Variants in CHTF18 observed in about 807,000 individuals in gnomAD.
The protein encoded by CHTF18 is chromosome transmission fidelity factor 18.
In CHTF18, 151 loss-of-function variants were observed where a neutral mutation model predicts 113.4. The ratio of observed to expected loss-of-function variants is 1.33; its 90% confidence interval spans 1.17 to 1.52. The LOEUF is 1.52. Ranked by LOEUF, CHTF18 falls within the 40% of genes most tolerant of loss-of-function variation. CHTF18 has a pLI of 0.00. For missense variants in CHTF18, 1,982 were observed against 1,381.6 expected, an observed-to-expected ratio of 1.43 and a Z score of -6.89; for synonymous variants, 916 against 598.8, an observed-to-expected ratio of 1.53 and a Z score of -7.74.
At chr16:794,675 C>T (rs542928262) in intron 15 of CHTF18, 15 of 227,748 alleles carry the variant, frequency 6.6e-5, no homozygotes, top group South Asian at 1.6e-4. Flanking sequence ...ATCCCCAAAT[C>T]CCAAAAGCCG....
intron 4 of CHTF18, 54 bp from the exon 5 acceptor site, chr16:790,123 T>A: frequency 2.6e-6 from 4 of 1,547,844 alleles, no homozygotes; most frequent in Non-Finnish European, 3.5e-6. Flanking sequence ...GGGGCTGACG[T>A]GAATCCTGTG....
At chr16:791,735 G>C (rs2042201716) in intron 8 of CHTF18, 116 bp from the exon 9 acceptor site, 2 of 1,458,648 alleles carry the variant, frequency 1.4e-6, no homozygotes, top group Non-Finnish European at 1.8e-6. Flanking sequence ...TTGATGGCTG[G>C]AGTGGGGTGG....
chr16:789,381 C>A (rs746146949), intron 3 of CHTF18, 21 bp downstream of exon 3: 1 of 1,563,388 alleles, frequency 6.4e-7, no homozygotes. Context: ...TGGACATGGG[C>A]GTCCCATCCC....
In CHTF18 at chr16:791,949, G is replaced by A. The variant is rs1453032980; in HGVS notation, c.1202+1G>A. On this transcript the variant is annotated splice_donor_variant, in intron 9 of 21. Coordinates refer to ENST00000262315, the MANE Select transcript of CHTF18 (RefSeq NM_022092.3). LOFTEE classifies it high-confidence loss of function. ...ACTCTGTGGTGGAGATGAACGCCAG[G>A]TGAGTGATGTGAGGTCCGTCTCTGG... 3 of 1,604,976 alleles carry A rather than the reference G, an allele frequency of 1.9e-6. No individual in the cohort carries two copies. The highest frequency in any genetic ancestry group is 4.5e-5 in the East Asian group (2 of 44,552).
intron 15 of CHTF18, chr16:794,745 G>A (rs1440767647): frequency 1.1e-5 from 3 of 271,516 alleles, no homozygotes; most frequent in Non-Finnish European, 2.1e-5. Context: ...GAACAGGGGT[G>A]GGGACGCCAC....
chr16:793,181 G>A lies in CHTF18; in HGVS notation c.1709G>A (p.Arg570Gln), dbSNP rs761356227. 31 of 1,607,490 alleles carry A rather than the reference G, an allele frequency of 1.9e-5. No individual in the cohort carries two copies. Among genetic ancestry groups the A allele is most frequent in the Middle Eastern group, 3.7e-4 (2 of 5,464 alleles). ...CGGGGCCAGCGGGAGCTGAGCGTGC[G>A]GGACGTGCAGGCCACACGCGTGGGC... ...YSRGQRELSV[R>Q]DVQATRVGLK... Residue 570 changes from arginine to glutamine, a missense_variant, in exon 14 of 22, where the codon CGG becomes CAG. Coordinates refer to ENST00000262315, the MANE Select transcript of CHTF18 (RefSeq NM_022092.3).
In CHTF18 at chr16:795,830, G is replaced by T. The variant is rs373352063; in HGVS notation, c.2321G>T (p.Arg774Leu). ...CTGGACATTCTTGCACCCAAGCTCC[G>T]CCCCGTGAGTGCCGTCCCCGGGGTG... is the stretch of plus-strand genomic sequence containing the variant. ...LLLDILAPKL[R>L]PVSTQLYSTR... The change falls in exon 17 of 22, where the codon CGC becomes CTC. Residue 774 changes from arginine (R) to leucine (L), a missense_variant. By Grantham distance (102) the Arg-to-Leu change is moderately radical. Transcript: ENST00000262315. The T allele has an allele frequency of 1.2e-6, 2 of 1,609,002 alleles. No homozygotes were observed. Among genetic ancestry groups the T allele is most frequent in the Non-Finnish European group, 1.7e-6 (2 of 1,178,376 alleles).
chr16:792,278 G>A lies in CHTF18; in HGVS notation c.1257G>A (p.Met419Ile). 1 of 1,560,486 alleles carries A rather than the reference G, an allele frequency of 6.4e-7. No homozygotes were observed. Among genetic ancestry groups the A allele is most frequent in the Non-Finnish European group, 8.7e-7 (1 of 1,153,154 alleles). ...FRTRIEAATQMESVLGAGGKP... is the reference protein window; with the variant it reads ...FRTRIEAATQIESVLGAGGKP... ...CACGCATCGAGGCGGCCACCCAGAT[G>A]GAGTCGGTGCTGGGTGCTGGCGGGA... The change falls in exon 10 of 22, where the codon ATG becomes ATA. Residue 419 changes from methionine (M) to isoleucine (I), a missense_variant. Coordinates refer to ENST00000262315, the MANE Select transcript of CHTF18 (RefSeq NM_022092.3).
chr16:792,126 T>C (rs1025775147), intron 9 of CHTF18, 98 bp from the exon 10 acceptor site: 11 of 1,526,082 alleles, frequency 7.2e-6, no homozygotes, highest in Non-Finnish European at 8.8e-6. Context: ...AGCCGCGTCA[T>C]GTGACGGTCT....
intron 7 of CHTF18, 166 bp downstream of exon 7, chr16:790,832 T>G (rs2042177235): frequency 7.0e-7 from 1 of 1,432,108 alleles, no homozygotes; most frequent in African/African-American, 1.4e-5. Context: ...CAGGGCTGTG[T>G]GCTACTGGTC....
In CHTF18 at chr16:789,790, C is replaced by G. The variant is rs2042124310; in HGVS notation, c.606+75C>G. 4.5e-5 allele frequency: 66 copies of G among 1,457,054 alleles called. 1 individual carries two copies. The South Asian group carries it at 6.7e-4, about 15-fold the overall frequency. 90.3% of individuals were successfully genotyped at this position (1,457,054 alleles called of 1,614,324 possible). A position where few individuals can be genotyped will look rare whatever the true frequency, so the allele number is the denominator to read the frequency against. ...GAAAGGGTCCTTGGAGCCCCTCACC[C>G]CTGCCATTTGCTTAAAGCGGGTCCT... On this transcript the variant is annotated intron_variant, in intron 4 of 21. Coordinates refer to ENST00000262315, the MANE Select transcript of CHTF18 (RefSeq NM_022092.3).
chr16:793,142 A>C lies in CHTF18; in HGVS notation c.1672-2A>C, dbSNP rs2042247789. 5 of 1,598,926 alleles carry C rather than the reference A, an allele frequency of 3.1e-6. No homozygotes were observed. Among genetic ancestry groups the C allele is most frequent in the Non-Finnish European group, 4.3e-6 (5 of 1,174,352 alleles). ...CTTCTCATGCCCCCGCCCTATGTCT[A>C]GTTCCTGTACAGCCGGGGCCAGCGG... is the stretch of plus-strand genomic sequence containing the variant. On this transcript the variant is annotated splice_acceptor_variant, in intron 13 of 21. Transcript: ENST00000262315. LOFTEE classifies it high-confidence loss of function.
intron 14 of CHTF18, 167 bp from the exon 15 acceptor site, chr16:793,887 C>T: frequency 1.4e-6 from 1 of 717,456 alleles, no homozygotes. Context: ...GGGTTGAGGT[C>T]CGGGCGTGTC....
At chr16:796,426 G>A (rs561927576) in intron 18 of CHTF18, among the ~76,000 whole-genome samples, 33 of 152,334 alleles carry the variant, frequency 2.2e-4, no homozygotes, top group African/African-American at 7.7e-4. Context: ...GTGGCCCCGG[G>A]GTCCTGCTGC....
rs1455466555 is a variant in CHTF18 at position 790,349 on chromosome 16, G to T, written c.702G>T (p.Arg234=). The change falls in exon 6 of 22, where the codon CGG becomes CGT. Residue 234 remains arginine (R), a splice_region_variant and synonymous_variant. Coordinates refer to ENST00000262315, the MANE Select transcript of CHTF18 (RefSeq NM_022092.3). ...ATTCCAGCCTGTTGTTTGCACAGCG[G>T]CGGGAGCGGCTGCTTCAGGAGGCCC... The part of the protein sequence containing the change: ...ASLKKQVDGE[R]RERLLQEAQK... The T allele has an allele frequency of 1.2e-6, 2 of 1,610,718 alleles. No individual in the cohort carries two copies. The highest frequency in any genetic ancestry group is 1.7e-6 in the Non-Finnish European group (2 of 1,179,314).
At position 792,347 on chromosome 16, in the gene CHTF18, G is replaced by T; in HGVS notation, c.1326G>T (p.Val442=). The change falls in exon 10 of 22, where the codon GTG becomes GTT. Residue 442 remains valine, a splice_region_variant and synonymous_variant. Transcript: ENST00000262315. ...LVIDEIDGAP[V]AAINVLLSIL... is the part of the protein sequence containing the mutation. ...TCGATGAGATCGACGGGGCCCCCGT[G>T]GTGGGCTCCTTGATGCCTGGGTAGG... 1 of 1,555,582 alleles carries T rather than the reference G, an allele frequency of 6.4e-7. No homozygotes were observed. The highest frequency in any genetic ancestry group is 8.7e-7 in the Non-Finnish European group (1 of 1,150,256).
chr16:790,686 C>G lies in CHTF18; in HGVS notation c.894+20C>G, dbSNP rs748209340. On this transcript the variant is annotated intron_variant, in intron 7 of 21. Transcript: ENST00000262315. ...GATGACGTGAGGTCTTGTTCTCACT[C>G]AAGTGTGGCTGGCTTCCTCTGTTCC... 4.6e-6 allele frequency: 7 copies of G among 1,516,618 alleles called. No individual in the cohort carries two copies. The highest frequency in any genetic ancestry group is 6.1e-6 in the Non-Finnish European group (7 of 1,139,996). 93.9% of individuals were successfully genotyped at this position (1,516,618 alleles called of 1,614,324 possible). A position where few individuals can be genotyped will look rare whatever the true frequency, so the allele number is the denominator to read the frequency against.
chr16:796,077 C>T lies in CHTF18; in HGVS notation c.2456C>T (p.Pro819Leu), dbSNP rs762683663. ...PDGQYIYRLE[P>L]NVEELCRFPE... ...GGCCAGTACATCTACAGGCTGGAGC[C>T]GTGAGTCCCCCAGTGCCTGGGGTGT... The change falls in exon 18 of 22, where the codon CCG becomes CTG. Residue 819 changes from proline (P) to leucine (L), a missense_variant and splice_region_variant. Pro to Leu is a moderately conservative substitution (Grantham distance 98). Transcript: ENST00000262315. 8.7e-6 allele frequency: 14 copies of T among 1,600,110 alleles called. No homozygotes were observed. Among genetic ancestry groups the T allele is most frequent in the South Asian group, 1.1e-5 (1 of 88,650 alleles).
intron 9 of CHTF18, 114 bp from the exon 10 acceptor site, chr16:792,110 G>A (rs888803379): frequency 4.6e-6 from 7 of 1,526,696 alleles, no homozygotes; most frequent in Non-Finnish European, 6.2e-6. Context: ...TCACGGGATC[G>A]GCAGCAGCCG....
Sources: allele counts gnomAD v4.1 joint callset (sites outside exome capture counted in the v4.1 genomes callset), GRCh38; gene constraint gnomAD v4.1.1; transcripts MANE v1.5; gene names NCBI Gene and HGNC (gene_info 2026-07-23, HGNC 2026-07-21).